The following ADAMTS6 variants were observed in gnomAD, a reference collection of about 807,000 sequenced individuals.
ADAMTS6 encodes the protein A disintegrin and metalloproteinase with thrombospondin motifs 6.
ADAMTS6 carries 23 observed loss-of-function variants against 144.3 expected under a neutral mutation model. That is an observed-to-expected ratio of 0.16 (90% CI 0.11 to 0.23). The LOEUF (loss-of-function observed/expected upper bound fraction) is 0.23. Among genes scored for constraint, ADAMTS6 ranks in the 10% least tolerant of loss-of-function variants. The pLI is 1.00. For missense variants in ADAMTS6, 999 were observed against 1,379.6 expected (o/e 0.72, Z 4.37); for synonymous variants, 444 against 457.5 (o/e 0.97, Z 0.38).
At chr5:65,476,700 C>G (rs1760861862) in intron 1 of ADAMTS6, among the ~76,000 whole-genome samples, 1 of 152,136 alleles carries the variant, frequency 6.6e-6, no homozygotes, top group Admixed American at 6.5e-5. Context: ...CCTCCACCTC[C>G]CGGGTTCAAG....
chr5:65,289,744 G>C (rs1414159458), intron 11 of ADAMTS6, among the ~76,000 whole-genome samples: 1 of 152,016 alleles, frequency 6.6e-6, no homozygotes, highest in Non-Finnish European at 1.5e-5. Flanking sequence ...ATCTAATGTA[G>C]AAATTTGCAT....
intron 7 of ADAMTS6, among the ~76,000 whole-genome samples, chr5:65,402,272 C>T (rs1486554295): frequency 2.0e-5 from 3 of 152,028 alleles, no homozygotes; most frequent in Non-Finnish European, 4.4e-5. Flanking sequence ...AACTCACTTG[C>T]GAAAACATAT....
At chr5:65,259,451 T>C (rs1465151762) in intron 14 of ADAMTS6, among the ~76,000 whole-genome samples, 1 of 151,966 alleles carries the variant, frequency 6.6e-6, no homozygotes, top group Non-Finnish European at 1.5e-5. Context: ...GGAGTAAGCA[T>C]TAATGTAAAA....
At chr5:65,470,674 C>T in intron 3 of ADAMTS6, 104 bp downstream of exon 3, 1 of 895,484 alleles carries the variant, frequency 1.1e-6, no homozygotes, top group Non-Finnish European at 1.5e-6. Flanking sequence ...CCTACTTAAA[C>T]TACCTATATA....
chr5:65,300,170 G>GA (rs1289801791), intron 9 of ADAMTS6, 39 bp from the exon 10 acceptor site: 9 of 1,580,102 alleles, frequency 5.7e-6, no homozygotes, highest in Non-Finnish European at 7.7e-6. Flanking sequence ...AAATAAATAA[G>GA]AAAAAAACCC....
At chr5:65,357,483 T>A in intron 7 of ADAMTS6, among the ~76,000 whole-genome samples, 1 of 148,852 alleles carries the variant, frequency 6.7e-6, no homozygotes, top group Non-Finnish European at 1.5e-5. Flanking sequence ...AAGCCTAGAG[T>A]CAGCAAAAGG....
chr5:65,451,129 A>G (rs1273261576), intron 7 of ADAMTS6, among the ~76,000 whole-genome samples: 6 of 152,268 alleles, frequency 3.9e-5, no homozygotes, highest in South Asian at 2.1e-4. Flanking sequence ...TATTTTTAAG[A>G]TATGTATTTT....
intron 11 of ADAMTS6, among the ~76,000 whole-genome samples, chr5:65,275,019 T>C (rs1762345905): frequency 6.6e-6 from 1 of 151,716 alleles, no homozygotes; most frequent in African/African-American, 2.4e-5. Flanking sequence ...ATGTTTAAAC[T>C]CCATTTGGAG....
chr5:65,361,461 C>T (rs1195151611), intron 7 of ADAMTS6, among the ~76,000 whole-genome samples: 2 of 152,166 alleles, frequency 1.3e-5, no homozygotes, highest in East Asian at 1.9e-4. Flanking sequence ...TTTCAACCTA[C>T]AACTCCCAAA....
intron 15 of ADAMTS6, among the ~76,000 whole-genome samples, chr5:65,232,518 A>G (rs1758333942): frequency 6.6e-6 from 1 of 152,114 alleles, no homozygotes; most frequent in African/African-American, 2.4e-5. Context: ...AAGAGGAGAC[A>G]TTACAACAGA....
chr5:65,202,308 A>G (rs1210160850), intron 20 of ADAMTS6, among the ~76,000 whole-genome samples: 1 of 152,224 alleles, frequency 6.6e-6, no homozygotes, highest in African/African-American at 2.4e-5. Flanking sequence ...ATTTTTCTAG[A>G]ACAACTGTGT....
intron 7 of ADAMTS6, among the ~76,000 whole-genome samples, chr5:65,442,977 A>G (rs899720946): frequency 2.0e-5 from 3 of 152,160 alleles, no homozygotes; most frequent in Middle Eastern, 3.4e-3. Flanking sequence ...ATGGCTTCCA[A>G]TTTCATCCAT....
intron 18 of ADAMTS6, among the ~76,000 whole-genome samples, chr5:65,223,934 G>A (rs998179759): frequency 2.6e-5 from 4 of 151,478 alleles, no homozygotes; most frequent in African/African-American, 9.7e-5. Flanking sequence ...CGAGTAGCTG[G>A]GACTACAGGC....
chr5:65,445,284 G>A (rs886722597), intron 7 of ADAMTS6, among the ~76,000 whole-genome samples: 8 of 152,136 alleles, frequency 5.3e-5, no homozygotes, highest in African/African-American at 1.9e-4. Flanking sequence ...GTCCTAATAT[G>A]TGCCTGTTTT....
At chr5:65,197,469 C>T (rs952458563) in intron 20 of ADAMTS6, among the ~76,000 whole-genome samples, 3 of 152,160 alleles carry the variant, frequency 2.0e-5, no homozygotes, top group Admixed American at 6.5e-5. Context: ...CAACAGATTA[C>T]AATTTCCCAA....
At position 65,169,649 on chromosome 5, in the gene ADAMTS6, A is replaced by G. The variant is rs1753470968; in HGVS notation, c.3244+968T>C. The stretch of plus-strand genomic sequence containing the variant: ...TTGGAACCAACCCAAATGTCCAACA[A>G]TGATAGACTGGATTAAGAAAATGTG... On this transcript the variant is annotated intron_variant, in intron 24 of 24. Transcript: ENST00000381055. Among the ~76,000 whole-genome samples the G allele has an allele frequency of 4.0e-5, 6 of 150,776 alleles. No homozygotes were observed. The South Asian group carries it at 1.3e-3, about 32-fold the overall frequency.
intron 7 of ADAMTS6, among the ~76,000 whole-genome samples, chr5:65,392,255 T>A (rs1752986700): frequency 6.6e-6 from 1 of 152,132 alleles, no homozygotes; most frequent in Non-Finnish European, 1.5e-5. Flanking sequence ...ATAGTAGACT[T>A]TTTTTCCTTA....
chr5:65,326,678 C>T (rs181770169), intron 9 of ADAMTS6, among the ~76,000 whole-genome samples: 227 of 152,212 alleles, frequency 1.5e-3, no homozygotes, highest in African/African-American at 5.3e-3. Context: ...TAACATCCAT[C>T]TCATAAAGGA....
At chr5:65,470,184 A>G (rs1054873171) in intron 3 of ADAMTS6, among the ~76,000 whole-genome samples, 1 of 152,102 alleles carries the variant, frequency 6.6e-6, no homozygotes, top group Non-Finnish European at 1.5e-5. Context: ...ACGGCCTCCT[A>G]AAACACTGGG....
Sources: allele counts gnomAD v4.1 joint callset (sites outside exome capture counted in the v4.1 genomes callset), GRCh38; gene constraint gnomAD v4.1.1; transcripts MANE v1.5; gene names NCBI Gene and HGNC (gene_info 2026-07-23, HGNC 2026-07-21).